Variants in HSD3B1 observed in about 807,000 individuals in gnomAD.
HSD3B1 encodes the protein 3 beta-hydroxysteroid dehydrogenase/Delta 5-->4-isomerase type 1.
Under a neutral mutation model 10.4 loss-of-function variants are expected in HSD3B1, and 11 were observed. The observed-to-expected ratio is 1.05, with a 90% CI of 0.66 to 1.75. HSD3B1 has a LOEUF of 1.75. HSD3B1 is among the 40% of genes most tolerant of loss of function. The pLI, the probability that HSD3B1 is intolerant of heterozygous loss-of-function variation, is 0.00. For synonymous variants in HSD3B1, 217 were observed against 185.4 expected, an observed-to-expected ratio of 1.17 and a Z score of -1.39; for missense variants, 490 against 454.5, an observed-to-expected ratio of 1.08 and a Z score of -0.71.
intron 3 of HSD3B1, chr1:119,511,925 C>T (rs1653949642): frequency 4.5e-6 from 2 of 445,148 alleles, no homozygotes; most frequent in Non-Finnish European, 8.3e-6. Context: ...ACTTTAAACT[C>T]ATCCCTGTGT....
At chr1:119,513,270 G>A (rs1335293513) in intron 3 of HSD3B1, among the ~76,000 whole-genome samples, 2 of 152,122 alleles carry the variant, frequency 1.3e-5, no homozygotes, top group Non-Finnish European at 2.9e-5. Flanking sequence ...ACTCCAGGAT[G>A]GTCCTTGTGA....
intron 3 of HSD3B1, 82 bp downstream of exon 3, chr1:119,511,749 C>T (rs778834857): frequency 1.5e-4 from 199 of 1,307,946 alleles, no homozygotes; most frequent in Non-Finnish European, 2.1e-4. Context: ...AGAAGTCCCT[C>T]CACTGAACAC....
In HSD3B1 at chr1:119,507,215, G is replaced by A. The variant is rs1653809997; in HGVS notation, c.-133G>A. Reference sequence around the variant, plus strand: ...TCAGACTTGCCACAGGAAATGAGGTGAGAAGTACGTCCACTCTTCTGTCCA... The same window carrying A: ...TCAGACTTGCCACAGGAAATGAGGTAAGAAGTACGTCCACTCTTCTGTCCA... On this transcript the variant is annotated 5_prime_UTR_variant, in exon 1 of 4. Transcript: ENST00000369413. 4 of 444,502 alleles carry A rather than the reference G, an allele frequency of 9.0e-6. No homozygotes were observed. The Admixed American group carries it at 1.0e-4, about 12-fold the overall frequency. The allele number at this position is 444,502 out of a possible 1,614,324, so 27.5% of individuals were successfully genotyped here.
In HSD3B1 at chr1:119,514,156, C is replaced by T. The variant is rs1654031099; in HGVS notation, c.633C>T (p.Ile211=). 6.2e-7 allele frequency: 1 copy of T among 1,613,948 alleles called. No homozygotes were observed. The highest frequency in any genetic ancestry group is 1.3e-5 in the African/African-American group (1 of 74,900). The change falls in exon 4 of 4, where the codon ATC becomes ATT. Residue 211 remains isoleucine, a synonymous_variant. Transcript: ENST00000369413. ...SINEALNNNG[I]LSSVGKFSTV... The stretch of plus-strand genomic sequence containing the variant: ...ACGAGGCCCTGAACAACAATGGGAT[C>T]CTGTCAAGTGTTGGAAAGTTCTCCA...
At chr1:119,508,834 A>T (rs1653861287) in intron 2 of HSD3B1, among the ~76,000 whole-genome samples, 1 of 152,090 alleles carries the variant, frequency 6.6e-6, no homozygotes, top group African/African-American at 2.4e-5. Context: ...CTCTTCTCTG[A>T]CCTCTTGAAA....
chr1:119,513,847 G>A lies in HSD3B1; in HGVS notation c.324G>A (p.Leu108=), dbSNP rs1454306141. Residue 108 remains leucine (L), a synonymous_variant, in exon 4 of 4, where the codon CTG becomes CTA. Coordinates refer to ENST00000369413, the MANE Select transcript of HSD3B1 (RefSeq NM_000862.3). ...MNVNVKGTQL[L]LEACVQASVP... ...CTTCATGGACAGGTACCCAGCTCCTGTTAGAGGCCTGTGTCCAAGCTAGTG... is the reference window on the plus strand; with the variant it reads ...CTTCATGGACAGGTACCCAGCTCCTATTAGAGGCCTGTGTCCAAGCTAGTG... The A allele has an allele frequency of 6.2e-7, 1 of 1,613,810 alleles. No individual in the cohort carries two copies. Among genetic ancestry groups the A allele is most frequent in the Admixed American group, 1.7e-5 (1 of 60,004 alleles).
chr1:119,508,964 G>C (rs1021680168), intron 2 of HSD3B1, among the ~76,000 whole-genome samples: 2 of 152,158 alleles, frequency 1.3e-5, no homozygotes, highest in Non-Finnish European at 2.9e-5. Flanking sequence ...CCAGAAAAAA[G>C]CAATGCTCAG....
rs772104619 is a variant in HSD3B1, at chr1:119,507,447, G to C, written c.-30G>C. The C allele has an allele frequency of 6.2e-7, 1 of 1,612,578 alleles. No individual in the cohort carries two copies. Among genetic ancestry groups the C allele is most frequent in the African/African-American group, 1.3e-5 (1 of 75,004 alleles). On this transcript the variant is annotated 5_prime_UTR_variant, in exon 2 of 4. Coordinates refer to ENST00000369413, the MANE Select transcript of HSD3B1 (RefSeq NM_000862.3). ...TGCTCCCCAGCATCTTCTGTTTCCTGGTGAGTGATTCCTGCTACTTTGGAT... is the reference window on the plus strand; with the variant it reads ...TGCTCCCCAGCATCTTCTGTTTCCTCGTGAGTGATTCCTGCTACTTTGGAT...
Position 119,514,848 on chromosome 1 carries a change from A to T in HSD3B1, c.*203A>T. ...CAACAAGAAGGTTTCTGTCCTAATC[A>T]TATACCAGAGGAAAGACCATGTGGT... On this transcript the variant is annotated 3_prime_UTR_variant, in exon 4 of 4. Transcript: ENST00000369413. 1.6e-6 allele frequency: 1 copy of T among 622,394 alleles called. No individual in the cohort carries two copies. The highest frequency in any genetic ancestry group is 2.8e-6 in the Non-Finnish European group (1 of 353,818). The allele number at this position is 622,394 out of a possible 1,614,324, so 38.6% of individuals were successfully genotyped here.
In HSD3B1 at chr1:119,510,564, G is replaced by A. The variant is rs587653388; in HGVS notation, c.146-939G>A. ...CTGGACCCTGCTTCCAGTCCTCATC[G>A]AAACTTTGGCACAGACATTCTGATT... On this transcript the variant is annotated intron_variant, in intron 2 of 3. Coordinates refer to ENST00000369413, the MANE Select transcript of HSD3B1 (RefSeq NM_000862.3). 3.3e-5 allele frequency among the ~76,000 whole-genome samples: 5 copies of A among 151,816 alleles called. No homozygotes were observed. In the South Asian group the frequency reaches 1.0e-3, roughly 32 times the overall value.
chr1:119,510,576 C>T (rs752214834), intron 2 of HSD3B1, among the ~76,000 whole-genome samples: 29 of 152,058 alleles, frequency 1.9e-4, no homozygotes, highest in Non-Finnish European at 3.7e-4. Flanking sequence ...AACTTTGGCA[C>T]AGACATTCTG....
At chr1:119,507,690 C>T (rs1028569971) in intron 2 of HSD3B1, 69 bp downstream of exon 2, 1 of 1,493,432 alleles carries the variant, frequency 6.7e-7, no homozygotes, top group African/African-American at 1.4e-5. Flanking sequence ...GGGAGATGGA[C>T]CTTGTCTAGC....
intron 3 of HSD3B1, 190 bp downstream of exon 3, chr1:119,511,857 G>T: frequency 1.7e-6 from 1 of 591,734 alleles, no homozygotes; most frequent in Admixed American, 2.8e-5. Flanking sequence ...CTAGGACTGA[G>T]AGAGGGCAAG....
intron 3 of HSD3B1, chr1:119,511,934 G>T: frequency 4.8e-6 from 2 of 419,600 alleles, no homozygotes; most frequent in Non-Finnish European, 8.8e-6. Context: ...TCATCCCTGT[G>T]TGACTCCAAA....
rs372571497 is a variant in HSD3B1, at chr1:119,511,509, A to G, written c.152A>G (p.Gln51Arg). 1.9e-6 allele frequency: 3 copies of G among 1,613,744 alleles called. No homozygotes were observed. Among genetic ancestry groups the G allele is most frequent in the Middle Eastern group, 1.6e-4 (1 of 6,076 alleles). Residue 51 changes from glutamine (Q) to arginine (R), a missense_variant, in exon 3 of 4, where the codon CAG (glutamine) becomes CGG (arginine). By Grantham distance (43) the Gln-to-Arg change is conservative. Transcript: ENST00000369413. ...CTGACCTGTGTTCACACAGAACTCCAGAACAAGACCAAGCTGACAGTGCTG... is the reference window on the plus strand; with the variant it reads ...CTGACCTGTGTTCACACAGAACTCCGGAACAAGACCAAGCTGACAGTGCTG... ...PELREEFSKL[Q>R]NKTKLTVLEG...
At chr1:119,508,107 G>A (rs139917165) in intron 2 of HSD3B1, 287 of 163,564 alleles carry the variant, frequency 1.8e-3, no homozygotes, top group Non-Finnish European at 2.3e-3. Flanking sequence ...TTAAGGTAAA[G>A]ATGAGTGTAT....
rs587618675 is a variant in HSD3B1 at position 119,513,753 on chromosome 1, G to A, written c.311-81G>A. 15 of 1,308,518 alleles carry A rather than the reference G, an allele frequency of 1.1e-5. No homozygotes were observed. The African/African-American group carries it at 1.5e-4, about 13-fold the overall frequency. 81.1% of individuals were successfully genotyped at this position (1,308,518 alleles called of 1,614,324 possible). On this transcript the variant is annotated intron_variant, in intron 3 of 3. Coordinates refer to ENST00000369413, the MANE Select transcript of HSD3B1 (RefSeq NM_000862.3). ...CAACCACCATATTTGGGAGTGGGGG[G>A]TGGGGCACATAGATCTGTGTTCGTG...
intron 3 of HSD3B1, 100 bp from the exon 4 acceptor site, chr1:119,513,734 C>A: frequency 8.9e-7 from 1 of 1,122,530 alleles, no homozygotes; most frequent in Middle Eastern, 2.0e-4. Flanking sequence ...GTTACAACCA[C>A]CATATTTGGG....
At position 119,511,573 on chromosome 1, in the gene HSD3B1, CT is replaced by C; in HGVS notation, c.217del (p.Cys73AlafsTer26). On this transcript the variant is annotated frameshift_variant, in exon 3 of 4. Coordinates refer to ENST00000369413, the MANE Select transcript of HSD3B1 (RefSeq NM_000862.3). LOFTEE classifies it high-confidence loss of function. ...TGGATGAGCCATTCCTGAAGAGAGC[CT>C]GCCAGGACGTCTCGGTCATCATCCA... ...ILDEPFLKRA[C>X]QDVSVIIHTA... The C allele has an allele frequency of 6.2e-7, 1 of 1,613,664 alleles. No homozygotes were observed. The highest frequency in any genetic ancestry group is 1.7e-5 in the Admixed American group (1 of 60,010).
Sources: allele counts gnomAD v4.1 joint callset (sites outside exome capture counted in the v4.1 genomes callset), GRCh38; gene constraint gnomAD v4.1.1; transcripts MANE v1.5; gene names NCBI Gene and HGNC (gene_info 2026-07-23, HGNC 2026-07-21).